GADL1: variants seen among roughly 807,000 people sequenced by gnomAD.
GADL1 encodes acidic amino acid decarboxylase GADL1.
In GADL1, 71 loss-of-function variants were observed where a neutral mutation model predicts 69.5. The ratio of observed to expected loss-of-function variants is 1.02; its 90% confidence interval spans 0.84 to 1.25. The LOEUF (loss-of-function observed/expected upper bound fraction) is 1.25, where lower values mean the gene tolerates loss of function less well. Among genes scored for constraint, GADL1 ranks in the 50% most tolerant of loss-of-function variants. The pLI, the probability that GADL1 is intolerant of heterozygous loss-of-function variation, is 0.00. For synonymous variants in GADL1, 254 were observed against 214.4 expected, an observed-to-expected ratio of 1.18 and a Z score of -1.62; for missense variants, 737 against 631.8, an observed-to-expected ratio of 1.17 and a Z score of -1.79.
chr3:30,849,103 A>C (rs1698104509), intron 6 of GADL1, among the ~76,000 whole-genome samples: 1 of 152,088 alleles, frequency 6.6e-6, no homozygotes, highest in Non-Finnish European at 1.5e-5. Context: ...TGCCATGAGG[A>C]CACACCTAGA....
intron 11 of GADL1, among the ~76,000 whole-genome samples, chr3:30,821,809 A>G (rs1447232909): frequency 6.6e-6 from 1 of 151,782 alleles, no homozygotes; most frequent in African/African-American, 2.4e-5. Flanking sequence ...GATTACAGCA[A>G]GGTGGACTTG....
At chr3:30,765,911 TCCCAAATATTGCTTTA>T (rs1392536125) in intron 14 of GADL1, among the ~76,000 whole-genome samples, 1 of 151,646 alleles carries the variant, frequency 6.6e-6, no homozygotes, top group African/African-American at 2.4e-5. Context: ...CCAACTCCCC[TCCCAAATATTGCTTTA>T]TTATCGTAAC....
intron 2 of GADL1, among the ~76,000 whole-genome samples, chr3:30,857,506 A>T (rs1446994625): frequency 6.6e-6 from 1 of 152,010 alleles, no homozygotes; most frequent in Non-Finnish European, 1.5e-5. Flanking sequence ...CACATCTGTA[A>T]AATCAAGTAC....
intron 1 of GADL1, among the ~76,000 whole-genome samples, chr3:30,863,182 T>C (rs1162298008): frequency 1.3e-5 from 2 of 151,994 alleles, no homozygotes; most frequent in African/African-American, 2.4e-5. Flanking sequence ...ATCTTAATTG[T>C]ATGTTTTAAT....
Position 30,821,033 on chromosome 3 carries a change from GA to G in GADL1, c.1050+12819del, listed in dbSNP as rs1238731108. Among the ~76,000 whole-genome samples the G allele has an allele frequency of 5.9e-5, 9 of 152,160 alleles. No individual in the cohort carries two copies. The East Asian group carries it at 1.7e-3, about 29-fold the overall frequency. Reference sequence around the variant, plus strand: ...TCATGTCCTTTGTAGGGACATGGATGAAAATTGGAAATCATCATTCTCAGTA... The same window carrying G: ...TCATGTCCTTTGTAGGGACATGGATGAAATTGGAAATCATCATTCTCAGTA... On this transcript the variant is annotated intron_variant, in intron 11 of 14. Transcript: ENST00000282538.
chr3:30,767,970 C>T lies in GADL1; in HGVS notation c.1392+10209G>A, dbSNP rs1446091786. 2.7e-5 allele frequency among the ~76,000 whole-genome samples: 4 copies of T among 147,320 alleles called. No individual in the cohort carries two copies. In the South Asian group the frequency reaches 8.3e-4, roughly 31 times the overall value. On this transcript the variant is annotated intron_variant, in intron 14 of 14. Coordinates refer to ENST00000282538, the MANE Select transcript of GADL1 (RefSeq NM_207359.3). ...AAAGAGAAATTGTTCAGCCTACCAA[C>T]AATTAATAAATATGTGCAAAATAAA...
At chr3:30,744,732 C>G (rs1037984732) in intron 14 of GADL1, among the ~76,000 whole-genome samples, 1 of 151,984 alleles carries the variant, frequency 6.6e-6, no homozygotes, top group Non-Finnish European at 1.5e-5. Flanking sequence ...AAAGAAAAAG[C>G]TACATAGTAA....
At chr3:30,893,181 G>A (rs1211610314) in intron 1 of GADL1, among the ~76,000 whole-genome samples, 1 of 152,172 alleles carries the variant, frequency 6.6e-6, no homozygotes, top group Non-Finnish European at 1.5e-5. Flanking sequence ...ATAAGTATGT[G>A]CTGACCCTAG....
intron 11 of GADL1, among the ~76,000 whole-genome samples, chr3:30,810,145 T>A (rs1294595746): frequency 6.6e-6 from 1 of 152,318 alleles, no homozygotes; most frequent in East Asian, 1.9e-4. Flanking sequence ...GATCTCCAGT[T>A]TCTCAAAAAC....
intron 1 of GADL1, among the ~76,000 whole-genome samples, chr3:30,893,131 T>C (rs1219082739): frequency 6.6e-6 from 1 of 152,226 alleles, no homozygotes; most frequent in East Asian, 1.9e-4. Context: ...GCTGGGATTA[T>C]AGGCGTGAGC....
intron 13 of GADL1, among the ~76,000 whole-genome samples, chr3:30,784,645 T>C (rs574476326): frequency 1.1e-4 from 17 of 152,360 alleles, no homozygotes; most frequent in Middle Eastern, 3.4e-3. Flanking sequence ...CTTTGGCTAC[T>C]AAAAACAGTT....
At chr3:30,861,828 G>A (rs899135356) in intron 1 of GADL1, 63 bp from the exon 2 acceptor site, 44 of 1,021,726 alleles carry the variant, frequency 4.3e-5, no homozygotes, top group African/African-American at 1.6e-4. Context: ...AACAAAGCAC[G>A]GGACAAAATG....
At chr3:30,816,704 C>T (rs1411538770) in intron 11 of GADL1, among the ~76,000 whole-genome samples, 1 of 151,712 alleles carries the variant, frequency 6.6e-6, no homozygotes, top group Non-Finnish European at 1.5e-5. Context: ...TGCCACCATC[C>T]CTGGCTACTT....
At chr3:30,816,545 T>C (rs1475914160) in intron 11 of GADL1, among the ~76,000 whole-genome samples, 4,388 of 73,722 alleles carry the variant, frequency 0.06, 357 homozygotes, top group African/African-American at 0.17. Flanking sequence ...TTTTTTTTTT[T>C]TTTTTTTTTT....
At chr3:30,846,320 C>T (rs184761580) in intron 6 of GADL1, among the ~76,000 whole-genome samples, 93 of 152,134 alleles carry the variant, frequency 6.1e-4, no homozygotes, top group Non-Finnish European at 7.2e-4. Flanking sequence ...CTACAGAAGA[C>T]GAAAAAAACT....
intron 14 of GADL1, among the ~76,000 whole-genome samples, chr3:30,758,571 A>G (rs1393819028): frequency 6.6e-6 from 1 of 152,206 alleles, no homozygotes; most frequent in Non-Finnish European, 1.5e-5. Flanking sequence ...CATATATGTA[A>G]TGGGCTTAGC....
intron 14 of GADL1, among the ~76,000 whole-genome samples, chr3:30,765,003 G>A (rs1259790121): frequency 6.6e-6 from 1 of 151,796 alleles, no homozygotes; most frequent in South Asian, 2.1e-4. Context: ...GACAATGCAG[G>A]TTTAGCCATC....
intron 1 of GADL1, among the ~76,000 whole-genome samples, chr3:30,865,009 A>C (rs899090143): frequency 6.6e-6 from 1 of 152,000 alleles, no homozygotes; most frequent in African/African-American, 2.4e-5. Context: ...ACTCCTCATC[A>C]AACTAAAAGC....
At chr3:30,878,344 G>A (rs924446186) in intron 1 of GADL1, among the ~76,000 whole-genome samples, 7 of 151,818 alleles carry the variant, frequency 4.6e-5, no homozygotes, top group Admixed American at 1.3e-4. Flanking sequence ...TTCTAAAATC[G>A]TCCAGGACCT....
Sources: allele counts gnomAD v4.1 joint callset (sites outside exome capture counted in the v4.1 genomes callset), GRCh38; gene constraint gnomAD v4.1.1; transcripts MANE v1.5; gene names NCBI Gene and HGNC (gene_info 2026-07-23, HGNC 2026-07-21).